MYO9B: variants seen among roughly 807,000 people sequenced by gnomAD.
MYO9B encodes unconventional myosin-IXb.
Under a neutral mutation model 229.5 loss-of-function variants are expected in MYO9B, and 71 were observed. The ratio of observed to expected loss-of-function variants is 0.31; its 90% CI spans 0.26 to 0.38. The LOEUF is 0.38. Among genes scored for constraint, MYO9B ranks in the 10% least tolerant of loss-of-function variants. MYO9B has a pLI of 1.00. For missense variants in MYO9B, 2,255 were observed against 2,920.5 expected (o/e 0.77, Z 5.25); for synonymous variants, 1,185 against 1,235.8 (o/e 0.96, Z 0.86).
At chr19:17,194,081 A>G (rs773191188) in intron 21 of MYO9B, among the ~76,000 whole-genome samples, 10 of 152,150 alleles carry the variant, frequency 6.6e-5, no homozygotes, top group Non-Finnish European at 1.2e-4. Context: ...CTGAGACACA[A>G]GAATCACTTG....
At chr19:17,096,976 C>T (rs1348809142) in intron 1 of MYO9B, among the ~76,000 whole-genome samples, 1 of 146,078 alleles carries the variant, frequency 6.8e-6, no homozygotes, top group Non-Finnish European at 1.6e-5. Context: ...AGGCGTGAGC[C>T]ACCACGCCCG....
intron 24 of MYO9B, 88 bp from the exon 25 acceptor site, chr19:17,200,205 A>C: frequency 6.7e-7 from 1 of 1,486,658 alleles, no homozygotes; most frequent in South Asian, 1.3e-5. Flanking sequence ...TTGATAGAGC[A>C]TTTGCCATGT....
At chr19:17,177,332 T>G (rs1451756173) in intron 14 of MYO9B, among the ~76,000 whole-genome samples, 9 of 151,646 alleles carry the variant, frequency 5.9e-5, no homozygotes, top group Non-Finnish European at 1.2e-4. Context: ...GCTAGAAACT[T>G]CCTTCTATTT....
intron 3 of MYO9B, among the ~76,000 whole-genome samples, chr19:17,147,881 A>T (rs368607491): frequency 1.3e-5 from 2 of 151,140 alleles, no homozygotes; most frequent in African/African-American, 4.9e-5. Context: ...GGGGTTTCTC[A>T]ATGTTGGTCA....
rs149100801 is a variant in MYO9B at position 17,115,721 on chromosome 19, G to A, written c.840+13164G>A. Among the ~76,000 whole-genome samples the A allele has an allele frequency of 9.9e-5, 15 of 151,696 alleles. No individual in the cohort carries two copies. The East Asian group carries it at 1.9e-3, about 20-fold the overall frequency. On this transcript the variant is annotated intron_variant, in intron 2 of 39. Coordinates refer to ENST00000682292, the MANE Select transcript of MYO9B (RefSeq NM_004145.4). ...TGACCTCAAGTGATCCACCCACCTC[G>A]TCCCCCACAAAGTGCTGGGATTACA...
chr19:17,201,857 T>G, intron 26 of MYO9B, 69 bp from the exon 27 acceptor site: 1 of 1,180,214 alleles, frequency 8.5e-7, no homozygotes, highest in Non-Finnish European at 1.2e-6. Flanking sequence ...AGTGACCCCT[T>G]GGGCACCTCC....
chr19:17,187,581 TAAA>T (rs34376242), intron 18 of MYO9B, among the ~76,000 whole-genome samples: 78,011 of 148,978 alleles, frequency 0.52, 22,078 homozygotes, highest in East Asian at 0.74. Flanking sequence ...CTTTTTTTTT[TAAA>T]AAATAAATTT....
Position 17,172,906 on chromosome 19 carries a change from A to T in MYO9B, c.2083A>T (p.Met695Leu), listed in dbSNP as rs747396546. The change falls in exon 13 of 40, where the codon ATG becomes TTG. Residue 695 changes from methionine to leucine, a missense_variant. By Grantham distance (15) the Met-to-Leu change is conservative (BLOSUM62 2). Transcript: ENST00000682292. The surrounding 1 kb of genome is among the most constrained non-coding windows in gnomAD (Gnocchi z 8.2). ...CGTGCTCCGGGCTGCTATCCGGGCC[A>T]TGGCAGTGCTTCGGGAGGCCGGACG... The part of the protein sequence containing the change: ...WAVLRAAIRA[M>L]AVLREAGRLR... The T allele has an allele frequency of 1.2e-6, 2 of 1,601,740 alleles. No homozygotes were observed. Among genetic ancestry groups the T allele is most frequent in the African/African-American group, 1.3e-5 (1 of 75,050 alleles).
At chr19:17,130,510 C>T (rs2072181617) in intron 2 of MYO9B, among the ~76,000 whole-genome samples, 1 of 151,950 alleles carries the variant, frequency 6.6e-6, no homozygotes. Context: ...GTCCCAGCTA[C>T]TCGGGAGGCT....
In MYO9B at chr19:17,211,774, G is replaced by GGTCA; in HGVS notation, c.6058+3_6058+6dup. On this transcript the variant is annotated frameshift_variant and splice_region_variant. Transcript: ENST00000682292. LOFTEE classifies it high-confidence loss of function. Reference sequence around the variant, plus strand: ...GCGGGCCGGGCGGGGGGCCTCGGAAGGTCAGTATTAAGGTAGCGTCTGCTT... The same window carrying GGTCA: ...GCGGGCCGGGCGGGGGGCCTCGGAAGGTCAGTCAGTATTAAGGTAGCGTCTGCTT... 1 of 1,613,032 alleles carries GGTCA rather than the reference G, an allele frequency of 6.2e-7. No individual in the cohort carries two copies. Among genetic ancestry groups the GGTCA allele is most frequent in the Non-Finnish European group, 8.5e-7 (1 of 1,179,734 alleles).
At chr19:17,164,524 G>T (rs2072638644) in intron 10 of MYO9B, among the ~76,000 whole-genome samples, 1 of 152,032 alleles carries the variant, frequency 6.6e-6, no homozygotes, top group South Asian at 2.1e-4. Context: ...GGGACTACAG[G>T]TGCATGCCAC....
chr19:17,109,029 T>A (rs978788988), intron 2 of MYO9B, among the ~76,000 whole-genome samples: 20 of 143,328 alleles, frequency 1.4e-4, no homozygotes, highest in African/African-American at 3.8e-4. Context: ...ATCTTTTTTT[T>A]AATTTTATTT....
intron 4 of MYO9B, among the ~76,000 whole-genome samples, chr19:17,153,397 AAAAG>A (rs965484323): frequency 9.3e-5 from 14 of 151,280 alleles, no homozygotes; most frequent in Admixed American, 2.0e-4. Context: ...AAAAAAAAAA[AAAAG>A]AAAGGCCTGG....
At chr19:17,089,960 T>C (rs2057620838) in intron 1 of MYO9B, among the ~76,000 whole-genome samples, 1 of 152,006 alleles carries the variant, frequency 6.6e-6, no homozygotes, top group Non-Finnish European at 1.5e-5. Context: ...TGACAACGAC[T>C]CATCACTTTC....
At chr19:17,145,518 G>A in intron 3 of MYO9B, 27 bp downstream of exon 3, 1 of 1,591,012 alleles carries the variant, frequency 6.3e-7, no homozygotes, top group Non-Finnish European at 8.6e-7. Flanking sequence ...GTCCCCACTG[G>A]TGGGAGCTGG....
At chr19:17,206,225 G>GTGGCCCCCC in intron 32 of MYO9B, 23 bp from the exon 33 acceptor site, 15 of 1,564,608 alleles carry the variant, frequency 9.6e-6, no homozygotes, top group Non-Finnish European at 1.3e-5. Context: ...CCGCTCACCA[G>GTGGCCCCCC]ACCCACCCCA....
At chr19:17,094,649 G>C (rs1488594042) in intron 1 of MYO9B, among the ~76,000 whole-genome samples, 1 of 152,204 alleles carries the variant, frequency 6.6e-6, no homozygotes, top group East Asian at 1.9e-4. Context: ...ACCATCTAAA[G>C]TGTGTAATTT....
Position 17,172,561 on chromosome 19 carries a change from G to T in MYO9B, c.1935+84G>T. On this transcript the variant is annotated intron_variant, in intron 12 of 39. Coordinates refer to ENST00000682292, the MANE Select transcript of MYO9B (RefSeq NM_004145.4). This position sits in a 1 kb window ranked among gnomAD's most constrained non-coding sequence, Gnocchi z 8.2. ...AGCCCATGTGGGAGGATCCTCCTGT[G>T]GGCGAGGTTCCAGGGTGCTCAGAAC... 1 of 1,559,190 alleles carries T rather than the reference G, an allele frequency of 6.4e-7. No individual in the cohort carries two copies. Among genetic ancestry groups the T allele is most frequent in the Non-Finnish European group, 8.7e-7 (1 of 1,150,840 alleles).
chr19:17,210,784 G>A lies in MYO9B; in HGVS notation c.5866G>A (p.Gly1956Ser), dbSNP rs751622389. Residue 1956 changes from glycine to serine, a missense_variant, in exon 38 of 40, where the codon GGC becomes AGC. Gly to Ser is a moderately conservative substitution (Grantham distance 56). Transcript: ENST00000682292. ...LEVLLEEEAA[G>S]GDEDREKEIL... ...GGTGCTGCTGGAGGAGGAGGCAGCC[G>A]GCGGCGATGAGGACCGGGAAAAGGA... 38 of 1,585,796 alleles carry A rather than the reference G, an allele frequency of 2.4e-5. No homozygotes were observed. The Middle Eastern group carries it at 5.0e-4, about 21-fold the overall frequency.
Sources: gnomAD v4.1 joint callset for allele counts (sites outside exome capture counted in the v4.1 genomes callset) on GRCh38, gnomAD v4.1.1 for gene constraint, Gnocchi (gnomAD v3.1) non-coding constraint, MANE v1.5 for transcripts, NCBI Gene and HGNC (gene_info 2026-07-23, HGNC 2026-07-21) for gene names.